Variants in PSMD11 observed in about 807,000 individuals in gnomAD.
PSMD11 encodes the protein 26S proteasome non-ATPase regulatory subunit 11.
Under a neutral mutation model 62.3 loss-of-function variants are expected in PSMD11, and 5 were observed. The observed-to-expected ratio is 0.08, with a 90% confidence interval of 0.04 to 0.17. The LOEUF is 0.17. Ranked by LOEUF, PSMD11 falls within the 10% of genes least tolerant of loss-of-function variation. The pLI is 1.00. For missense variants in PSMD11, 310 were observed against 512.9 expected (o/e 0.60, Z 3.82); for synonymous variants, 191 against 191.8 (o/e 1.00, Z 0.03).
intron 2 of PSMD11, among the ~76,000 whole-genome samples, chr17:32,451,678 A>G (rs1358624250): frequency 2.0e-5 from 3 of 151,954 alleles, no homozygotes; most frequent in African/African-American, 7.3e-5. Context: ...GTAATCTCTT[A>G]AAAAAAAGTG....
intron 3 of PSMD11, among the ~76,000 whole-genome samples, chr17:32,461,330 G>A (rs2150833403): frequency 6.6e-6 from 1 of 152,246 alleles, no homozygotes; most frequent in East Asian, 1.9e-4. Flanking sequence ...GCCCGCTTTG[G>A]CCTCCCAAAG....
At position 32,474,776 on chromosome 17, in the gene PSMD11, C is replaced by T; in HGVS notation, c.801C>T (p.Val267=). The change falls in exon 8 of 14, where the codon GTC becomes GTT. Residue 267 remains valine (V), a synonymous_variant. Coordinates refer to ENST00000261712, the MANE Select transcript of PSMD11 (RefSeq NM_002815.4). ...CKIMLNTPED[V]QALVSGKLAL... is the part of the protein sequence containing the mutation. ...TCTTTTTTTCTAGCCCAGAAGATGT[C>T]CAGGCTTTGGTGAGCGGGAAGCTTG... 2 of 1,614,084 alleles carry T rather than the reference C, an allele frequency of 1.2e-6. No individual in the cohort carries two copies. Among genetic ancestry groups the T allele is most frequent in the Non-Finnish European group, 1.7e-6 (2 of 1,179,992 alleles).
chr17:32,474,688 A>T, intron 7 of PSMD11, 76 bp from the exon 8 acceptor site: 1 of 1,426,160 alleles, frequency 7.0e-7, no homozygotes, highest in Non-Finnish European at 9.9e-7. Context: ...GAATTCTGTT[A>T]AAAAGAAATT....
At chr17:32,456,136 T>C (rs1907642685) in intron 3 of PSMD11, among the ~76,000 whole-genome samples, 1 of 134,290 alleles carries the variant, frequency 7.4e-6, no homozygotes, top group Non-Finnish European at 1.6e-5. Flanking sequence ...AGAGCGAGAC[T>C]CTGTCTCAAA....
chr17:32,480,830 T>C lies in PSMD11; in HGVS notation c.*78T>C, dbSNP rs1908466995. 6 of 545,586 alleles carry C rather than the reference T, an allele frequency of 1.1e-5. No homozygotes were observed. The East Asian group carries it at 1.5e-4, about 14-fold the overall frequency. The allele number at this position is 545,586 out of a possible 1,614,324, so 33.8% of individuals were successfully genotyped here. A position where few individuals can be genotyped will look rare whatever the true frequency, so the allele number is the denominator to read the frequency against. On this transcript the variant is annotated 3_prime_UTR_variant, in exon 14 of 14. Transcript: ENST00000261712. ...CTTGGGGGAAAATGCTAGGAGATTC[T>C]TTTTTCTTTTTGTTCTACTTTTCGC...
At chr17:32,459,115 CA>C (rs1907738332) in intron 3 of PSMD11, among the ~76,000 whole-genome samples, 1 of 111,882 alleles carries the variant, frequency 8.9e-6, no homozygotes, top group East Asian at 2.3e-4. Flanking sequence ...AAAAAAAATA[CA>C]TATATATATA....
chr17:32,449,939 A>C (rs1212073964), intron 2 of PSMD11, among the ~76,000 whole-genome samples: 2 of 152,238 alleles, frequency 1.3e-5, no homozygotes, highest in African/African-American at 4.8e-5. Flanking sequence ...ATTACCAAAT[A>C]AAACAATGTC....
intron 6 of PSMD11, among the ~76,000 whole-genome samples, chr17:32,470,430 A>G (rs1908133422): frequency 6.6e-6 from 1 of 152,108 alleles, no homozygotes; most frequent in South Asian, 2.1e-4. Flanking sequence ...CTCCTGTCTC[A>G]GCCTCCCGAG....
chr17:32,469,591 A>G (rs1341619866), intron 6 of PSMD11, among the ~76,000 whole-genome samples: 1 of 152,162 alleles, frequency 6.6e-6, no homozygotes, highest in Non-Finnish European at 1.5e-5. Flanking sequence ...GGGCTGAGGA[A>G]TGATAACCCA....
At chr17:32,460,171 G>A (rs1292483082) in intron 3 of PSMD11, among the ~76,000 whole-genome samples, 1 of 152,096 alleles carries the variant, frequency 6.6e-6, no homozygotes, top group African/African-American at 2.4e-5. Context: ...CATTTCTCCT[G>A]CCTCAGCCTC....
At chr17:32,446,648 A>G (rs1308294935) in intron 1 of PSMD11, among the ~76,000 whole-genome samples, 1 of 152,240 alleles carries the variant, frequency 6.6e-6, no homozygotes, top group Non-Finnish European at 1.5e-5. Context: ...ACTTTAACCA[A>G]GTGACCACAA....
chr17:32,448,085 T>C (rs772307614), intron 2 of PSMD11, among the ~76,000 whole-genome samples: 1 of 152,006 alleles, frequency 6.6e-6, no homozygotes, highest in Non-Finnish European at 1.5e-5. Context: ...TTCACTGTGT[T>C]GATCAGGCTG....
At chr17:32,471,829 C>T (rs572842477) in intron 6 of PSMD11, among the ~76,000 whole-genome samples, 9 of 151,458 alleles carry the variant, frequency 5.9e-5, no homozygotes, top group Admixed American at 3.9e-4. Context: ...GGATTCTCAT[C>T]TTCTAATCTC....
In PSMD11 at chr17:32,482,580, GTTCAGGTGTC is replaced by G. The variant is rs1908533389; in HGVS notation, c.*1832_*1841del. The G allele has an allele frequency of 6.6e-6, 1 of 152,290 alleles. No homozygotes were observed. Among genetic ancestry groups the G allele is most frequent in the Non-Finnish European group, 1.5e-5 (1 of 68,128 alleles). The allele number at this position is 152,290 out of a possible 1,614,324, so 9.4% of individuals were successfully genotyped here. A position where few individuals can be genotyped will look rare whatever the true frequency, so the allele number is the denominator to read the frequency against. On this transcript the variant is annotated 3_prime_UTR_variant, in exon 14 of 14. Coordinates refer to ENST00000261712, the MANE Select transcript of PSMD11 (RefSeq NM_002815.4). ...GTGTGAGTTCTGAGGTTGGAAATGA[GTTCAGGTGTC>G]TTCTTCCAGGGCAGCATGGTCCAGT... is the stretch of plus-strand genomic sequence containing the variant.
At chr17:32,452,156 G>A (rs938590753) in intron 2 of PSMD11, among the ~76,000 whole-genome samples, 9 of 152,166 alleles carry the variant, frequency 5.9e-5, no homozygotes, top group Admixed American at 3.9e-4. Context: ...GTGTGTGACT[G>A]GCTGAGTTCA....
chr17:32,479,441 A>G, intron 10 of PSMD11, 65 bp downstream of exon 10: 10 of 1,580,064 alleles, frequency 6.3e-6, no homozygotes, highest in Non-Finnish European at 7.8e-6. Flanking sequence ...TCCCTTCCAC[A>G]CCTGTCCAGA....
rs946379860 is a variant in PSMD11 at position 32,483,233 on chromosome 17, G to C, written c.*2481G>C. The C allele has an allele frequency of 2.0e-5, 3 of 152,214 alleles. No individual in the cohort carries two copies. Among genetic ancestry groups the C allele is most frequent in the Non-Finnish European group, 4.4e-5 (3 of 68,034 alleles). The allele number at this position is 152,214 out of a possible 1,614,324, so 9.4% of individuals were successfully genotyped here. On this transcript the variant is annotated 3_prime_UTR_variant, in exon 14 of 14. Transcript: ENST00000261712. ...GGCTTAGTATGATAACAAAAGAAAA[G>C]GAGTGTAAAATATGTCAATAACTTT...
At chr17:32,455,822 T>C (rs1242466158) in intron 3 of PSMD11, among the ~76,000 whole-genome samples, 3 of 152,194 alleles carry the variant, frequency 2.0e-5, no homozygotes, top group Non-Finnish European at 1.5e-5. Context: ...ATTAGTCTTA[T>C]CTAACTTTTT....
intron 2 of PSMD11, among the ~76,000 whole-genome samples, chr17:32,450,149 C>T (rs893823417): frequency 8.6e-5 from 13 of 151,992 alleles, no homozygotes; most frequent in Non-Finnish European, 1.6e-4. Flanking sequence ...TTAGTAGAGG[C>T]GGAGTTTCAT....
Sources: allele counts gnomAD v4.1 joint callset (sites outside exome capture counted in the v4.1 genomes callset), GRCh38; gene constraint gnomAD v4.1.1; transcripts MANE v1.5; gene names NCBI Gene and HGNC (gene_info 2026-07-23, HGNC 2026-07-21).